The following LRRC7 variants were observed in gnomAD, a reference collection of about 807,000 sequenced individuals.
LRRC7 encodes leucine-rich repeat-containing protein 7.
In LRRC7, 23 loss-of-function variants were observed where a neutral mutation model predicts 175.7. The observed-to-expected ratio is 0.13, with a 90% CI of 0.09 to 0.19. The LOEUF is 0.19. Among genes scored for constraint, LRRC7 ranks in the 10% least tolerant of loss-of-function variants. The probability of loss-of-function intolerance (pLI) is 1.00; values close to 1 mark genes in which losing one functional copy is unlikely to be tolerated. For missense variants in LRRC7, 1,354 were observed against 1,904.7 expected, an observed-to-expected ratio of 0.71 and a Z score of 5.38; for synonymous variants, 685 against 680.9, an observed-to-expected ratio of 1.01 and a Z score of -0.09.
intron 3 of LRRC7, among the ~76,000 whole-genome samples, chr1:69,766,262 C>A (rs1671614633): frequency 6.6e-6 from 1 of 152,000 alleles, no homozygotes. Flanking sequence ...ATGCAACATC[C>A]CAACTGATTT....
intron 26 of LRRC7, among the ~76,000 whole-genome samples, chr1:70,109,115 G>A (rs987116714): frequency 3.3e-5 from 5 of 151,920 alleles, no homozygotes; most frequent in East Asian, 1.9e-4. Context: ...TCCACCTCCC[G>A]GGTTCAAGCA....
At chr1:69,987,118 G>A (rs1434793683) in intron 10 of LRRC7, among the ~76,000 whole-genome samples, 2 of 152,158 alleles carry the variant, frequency 1.3e-5, no homozygotes, top group African/African-American at 4.8e-5. Context: ...GTGCATGCCT[G>A]TAGTCCCAGC....
intron 4 of LRRC7, among the ~76,000 whole-genome samples, chr1:69,816,721 T>C (rs999857514): frequency 5.9e-5 from 9 of 152,114 alleles, no homozygotes; most frequent in Admixed American, 1.3e-4. Context: ...CTAACTATAG[T>C]CTCCATAGTA....
intron 24 of LRRC7, among the ~76,000 whole-genome samples, chr1:70,078,547 C>CTCTTTT (rs1662951612): frequency 6.6e-6 from 1 of 152,168 alleles, no homozygotes; most frequent in Non-Finnish European, 1.5e-5. Flanking sequence ...TTTCTTTCAT[C>CTCTTTT]TCTTTTTCTT....
intron 7 of LRRC7, among the ~76,000 whole-genome samples, chr1:69,882,841 C>T (rs892977622): frequency 1.4e-5 from 2 of 147,598 alleles, no homozygotes; most frequent in African/African-American, 5.0e-5. Context: ...TCAATTCCCA[C>T]CTATGAGTGA....
At position 69,715,873 on chromosome 1, in the gene LRRC7, G is replaced by A. The variant is rs578173112; in HGVS notation, c.100+37395G>A. ...GAAAAGCACTGTACAAAGCATTTTT[G>A]CTTATAGGTACCAAAATGTTGCATT... On this transcript the variant is annotated intron_variant, in intron 2 of 26. Coordinates refer to ENST00000651989, the MANE Select transcript of LRRC7 (RefSeq NM_001370785.2). Among the ~76,000 whole-genome samples, 8 of 151,978 alleles carry A rather than the reference G, an allele frequency of 5.3e-5. No individual in the cohort carries two copies. The South Asian group carries it at 1.7e-3, about 31-fold the overall frequency.
intron 2 of LRRC7, among the ~76,000 whole-genome samples, chr1:69,749,517 TA>T (rs1669600718): frequency 6.6e-6 from 1 of 152,172 alleles, no homozygotes; most frequent in Non-Finnish European, 1.5e-5. Flanking sequence ...ATGACCTAAA[TA>T]AATTAAAGAG....
chr1:69,980,239 A>G (rs1200242414), intron 8 of LRRC7, 140 bp from the exon 9 acceptor site: 1 of 723,442 alleles, frequency 1.4e-6, no homozygotes, highest in Non-Finnish European at 2.4e-6. Context: ...AGGTCTGTTA[A>G]AGGTGGAATT....
chr1:70,100,343 A>C (rs1355728312), intron 25 of LRRC7, among the ~76,000 whole-genome samples: 1 of 152,144 alleles, frequency 6.6e-6, no homozygotes, highest in South Asian at 2.1e-4. Flanking sequence ...GAAGAGCATC[A>C]TCTTGATATA....
intron 3 of LRRC7, among the ~76,000 whole-genome samples, chr1:69,776,749 T>C (rs1672856339): frequency 6.6e-6 from 1 of 151,720 alleles, no homozygotes; most frequent in African/African-American, 2.4e-5. Flanking sequence ...CTGTGTGTGA[T>C]ATTTACTGCT....
chr1:70,031,327 A>C (rs1466897472), intron 18 of LRRC7: 1 of 152,174 alleles, frequency 6.6e-6, no homozygotes, highest in East Asian at 1.9e-4. Context: ...ATTCAATTAG[A>C]TATTCATTGA....
intron 24 of LRRC7, among the ~76,000 whole-genome samples, chr1:70,077,403 G>A (rs536021992): frequency 1.2e-4 from 18 of 152,078 alleles, no homozygotes; most frequent in Admixed American, 2.6e-4. Context: ...TAATGATATG[G>A]GGTTTTTAAT....
At chr1:69,766,709 T>C (rs1164781566) in intron 3 of LRRC7, among the ~76,000 whole-genome samples, 1 of 152,176 alleles carries the variant, frequency 6.6e-6, no homozygotes, top group Non-Finnish European at 1.5e-5. Context: ...CTGTGTGAAC[T>C]AACATTCTCT....
chr1:69,702,550 A>C (rs1002160625), intron 2 of LRRC7, among the ~76,000 whole-genome samples: 1 of 151,972 alleles, frequency 6.6e-6, no homozygotes, highest in East Asian at 1.9e-4. Context: ...ACTCTTAACT[A>C]ACTTTGTTAT....
chr1:69,986,096 G>A, intron 9 of LRRC7, 146 bp from the exon 10 acceptor site: 1 of 728,078 alleles, frequency 1.4e-6, no homozygotes, highest in South Asian at 2.4e-5. Flanking sequence ...AATGTTTGAA[G>A]TTTACAATTC....
intron 18 of LRRC7, among the ~76,000 whole-genome samples, chr1:70,032,341 T>C (rs1658835300): frequency 6.6e-6 from 1 of 152,062 alleles, no homozygotes; most frequent in African/African-American, 2.4e-5. Context: ...CTCCACCTTG[T>C]GACCTTGACA....
intron 14 of LRRC7, among the ~76,000 whole-genome samples, chr1:70,016,810 T>G (rs1438673259): frequency 6.6e-6 from 1 of 152,156 alleles, no homozygotes; most frequent in East Asian, 1.9e-4. Flanking sequence ...GCTTTTTAAC[T>G]TCTAGGTGGT....
chr1:69,863,934 A>G (rs1424119830), intron 7 of LRRC7, among the ~76,000 whole-genome samples: 2 of 151,968 alleles, frequency 1.3e-5, no homozygotes, highest in Non-Finnish European at 2.9e-5. Flanking sequence ...CCTATCATCT[A>G]TCTCTCCTTT....
In LRRC7 at chr1:70,130,978, C is replaced by T. The variant is rs944531200; in HGVS notation, c.*9091C>T. 1.2e-4 allele frequency among the ~76,000 whole-genome samples: 19 copies of T among 152,176 alleles called. No individual in the cohort carries two copies. The highest frequency in any genetic ancestry group is 1.2e-3 in the South Asian group (6 of 4,830). ...AGTTGAGCATGACAATGTTTACACACTGCATTTTGGCATCATTTCATGAAT... is the reference window on the plus strand; with the variant it reads ...AGTTGAGCATGACAATGTTTACACATTGCATTTTGGCATCATTTCATGAAT... On this transcript the variant is annotated 3_prime_UTR_variant, in exon 27 of 27. Transcript: ENST00000651989.
Sources: gnomAD v4.1 joint callset for allele counts (sites outside exome capture counted in the v4.1 genomes callset) on GRCh38, gnomAD v4.1.1 for gene constraint, MANE v1.5 for transcripts, NCBI Gene and HGNC (gene_info 2026-07-23, HGNC 2026-07-21) for gene names.